Variants in DDX19B observed in about 807,000 individuals in gnomAD.
The protein encoded by DDX19B is DEAD-box helicase 19B, also known as ATP-dependent RNA helicase DDX19B.
In DDX19B, 27 loss-of-function variants were observed where a neutral mutation model predicts 58.1. The ratio of observed to expected loss-of-function variants is 0.46; its 90% CI spans 0.34 to 0.64. The LOEUF (loss-of-function observed/expected upper bound fraction) is 0.64. Among genes scored for constraint, DDX19B ranks in the 30% least tolerant of loss-of-function variants. The pLI is 0.01. For synonymous variants in DDX19B, 187 were observed against 214.4 expected, an observed-to-expected ratio of 0.87 and a Z score of 1.12; for missense variants, 399 against 596.5, an observed-to-expected ratio of 0.67 and a Z score of 3.45.
At position 70,299,272 on chromosome 16, in the gene DDX19B, C is replaced by T; in HGVS notation, c.-26C>T. On this transcript the variant is annotated 5_prime_UTR_variant, in exon 1 of 12. In the 5' UTR this introduces an upstream ATG that the reference lacks. Transcript: ENST00000288071. ...GTGCCATCCCTCGAATCCACCAGCA[C>T]GAGCGTCCCACCCGCGCCTGGGACC... The T allele has an allele frequency of 6.4e-7, 1 of 1,553,738 alleles. No individual in the cohort carries two copies. The highest frequency in any genetic ancestry group is 8.7e-7 in the Non-Finnish European group (1 of 1,152,482).
chr16:70,290,645 G>T (rs1961037126), upstream of DDX19B, among the ~76,000 whole-genome samples: 1 of 152,216 alleles, frequency 6.6e-6, no homozygotes, highest in Non-Finnish European at 1.5e-5. Context: ...GCTGCAGTGA[G>T]CCCTGATCGT....
At chr16:70,310,204 A>G (rs1346402609) in intron 1 of DDX19B, among the ~76,000 whole-genome samples, 1 of 152,132 alleles carries the variant, frequency 6.6e-6, no homozygotes, top group African/African-American at 2.4e-5. Context: ...AATGTGGTGA[A>G]ACCCTGTCTC....
chr16:70,301,960 C>T (rs376000881), intron 1 of DDX19B, among the ~76,000 whole-genome samples: 9 of 150,286 alleles, frequency 6.0e-5, no homozygotes, highest in South Asian at 4.2e-4. Context: ...CGCTCTTGTC[C>T]GCCAGGCTGG....
rs569101742 is a variant in DDX19B, at chr16:70,334,968, A to G, written c.*1386A>G. 1 of 152,304 alleles carries G rather than the reference A, an allele frequency of 6.6e-6. No individual in the cohort carries two copies. Among genetic ancestry groups the G allele is most frequent in the Admixed American group, 6.5e-5 (1 of 15,280 alleles). 9.4% of individuals were successfully genotyped at this position (152,304 alleles called of 1,614,324 possible). A position where few individuals can be genotyped will look rare whatever the true frequency, so the allele number is the denominator to read the frequency against. On this transcript the variant is annotated 3_prime_UTR_variant, in exon 12 of 12. Transcript: ENST00000288071. ...CTGGAAGAAGAGTTTGATGGCTAAG[A>G]ACGATTGTGATCCTAGGTCTTCTTT...
chr16:70,292,445 C>T (rs1376136142), upstream of DDX19B, among the ~76,000 whole-genome samples: 1 of 152,144 alleles, frequency 6.6e-6, no homozygotes, highest in Non-Finnish European at 1.5e-5. Context: ...TCGCGTCCGG[C>T]CCCCTTGTCT....
In DDX19B at chr16:70,333,645, C is replaced by T. The variant is rs148606610; in HGVS notation, c.*63C>T. On this transcript the variant is annotated 3_prime_UTR_variant, in exon 12 of 12. Transcript: ENST00000288071. The stretch of plus-strand genomic sequence containing the variant: ...CCCCTGCACAGGAGACAAGTGCGTT[C>T]AGGGCACAGGCCCCGACATCACCCC... The T allele has an allele frequency of 1.4e-4, 229 of 1,612,268 alleles. No homozygotes were observed. In the African/African-American group the frequency reaches 2.5e-3, roughly 18 times the overall value.
At chr16:70,292,481 TG>T (rs1177625566), upstream of DDX19B, among the ~76,000 whole-genome samples, 1 of 152,190 alleles carries the variant, frequency 6.6e-6, no homozygotes, top group Admixed American at 6.5e-5. Context: ...AGAAAGAAAT[TG>T]TAATTGAGGC....
upstream of DDX19B, chr16:70,295,014 G>A (rs1261471399): frequency 7.3e-7 from 1 of 1,362,760 alleles, no homozygotes; most frequent in Non-Finnish European, 9.5e-7. Context: ...AATATTTCTC[G>A]AGGCTTCGGC....
intron 7 of DDX19B, among the ~76,000 whole-genome samples, chr16:70,326,496 AAAAC>A (rs774547679): frequency 9.2e-5 from 14 of 152,202 alleles, no homozygotes; most frequent in Admixed American, 2.6e-4. Flanking sequence ...AAACAAACAA[AAAAC>A]AAACAAACAA....
intron 5 of DDX19B, among the ~76,000 whole-genome samples, chr16:70,320,478 C>A (rs956175079): frequency 2.6e-5 from 4 of 151,716 alleles, no homozygotes; most frequent in Non-Finnish European, 5.9e-5. Flanking sequence ...GTAAGCAATC[C>A]TCCCACCTCG....
intron 5 of DDX19B, among the ~76,000 whole-genome samples, chr16:70,320,853 G>A (rs566915830): frequency 3.1e-4 from 47 of 151,492 alleles, no homozygotes; most frequent in African/African-American, 9.4e-4. Context: ...CATCGTGCCC[G>A]GCCTAATTTT....
At chr16:70,325,225 G>A (rs1963080664) in intron 6 of DDX19B, among the ~76,000 whole-genome samples, 1 of 152,162 alleles carries the variant, frequency 6.6e-6, no homozygotes, top group Non-Finnish European at 1.5e-5. Context: ...TTTACTTGCA[G>A]GAAAACCTGT....
At chr16:70,329,601 C>T in intron 8 of DDX19B, 132 bp downstream of exon 8, 1 of 1,405,662 alleles carries the variant, frequency 7.1e-7, no homozygotes, top group Non-Finnish European at 9.7e-7. Flanking sequence ...GTTTGACGGG[C>T]CACTTCCGTG....
rs140760196 is a variant in DDX19B at position 70,331,116 on chromosome 16, A to G, written c.1024-606A>G. ...TTTTGAGATAAGGTCTTGCTCTATC[A>G]TTCAGGCCAGAATACAGTGGCATGG... On this transcript the variant is annotated intron_variant, in intron 9 of 11. Transcript: ENST00000288071. 9.8e-4 allele frequency among the ~76,000 whole-genome samples: 149 copies of G among 152,324 alleles called. 3 individuals carry two copies. The East Asian group carries it at 0.026, about 26-fold the overall frequency.
intron 1 of DDX19B, among the ~76,000 whole-genome samples, chr16:70,307,679 GTGTGTGTGTGTGTGTATGTATATA>G (rs1961835577): frequency 2.0e-5 from 3 of 151,222 alleles, no homozygotes; most frequent in Admixed American, 1.3e-4. Flanking sequence ...ATATATATGT[GTGTGTGTGTGTGTGTATGTATATA>G]TGTGTGTGTG....
At chr16:70,318,375 A>G (rs2152202122) in intron 5 of DDX19B, among the ~76,000 whole-genome samples, 1 of 151,064 alleles carries the variant, frequency 6.6e-6, no homozygotes, top group East Asian at 1.9e-4. Context: ...CTCCATCTCA[A>G]AAATGCAAAA....
chr16:70,297,380 T>G (rs1404523372), upstream of DDX19B, among the ~76,000 whole-genome samples: 4 of 151,946 alleles, frequency 2.6e-5, no homozygotes, highest in African/African-American at 9.7e-5. Flanking sequence ...GCTTGGCTAA[T>G]TTTTGTATTT....
At chr16:70,299,063 C>G (rs1280814464), upstream of DDX19B, 2 of 1,112,488 alleles carry the variant, frequency 1.8e-6, no homozygotes, top group Non-Finnish European at 2.3e-6. Flanking sequence ...GATAGGAAAG[C>G]TTGCTCTGCC....
chr16:70,324,557 G>C (rs1167309362), intron 5 of DDX19B, 28 bp from the exon 6 acceptor site: 1 of 1,591,492 alleles, frequency 6.3e-7, no homozygotes, highest in Non-Finnish European at 8.6e-7. Context: ...TGAGATTTAA[G>C]CTCCTAACTA....
Sources: allele counts gnomAD v4.1 joint callset (sites outside exome capture counted in the v4.1 genomes callset), GRCh38; gene constraint gnomAD v4.1.1; transcripts MANE v1.5; gene names NCBI Gene and HGNC (gene_info 2026-07-23, HGNC 2026-07-21).